Variants in ERBB4 observed in about 807,000 individuals in gnomAD.
The protein encoded by ERBB4 is receptor tyrosine-protein kinase erbB-4.
A neutral mutation model predicts 158.0 loss-of-function variants in ERBB4; 42 were observed. The observed-to-expected ratio is 0.27, with a 90% confidence interval of 0.21 to 0.34. The LOEUF is 0.34. ERBB4 is among the 10% of genes least tolerant of loss of function. The pLI is 1.00. For synonymous variants in ERBB4, 583 were observed against 558.7 expected (o/e 1.04, Z -0.61); for missense variants, 1,333 against 1,624.1 (o/e 0.82, Z 3.08).
intron 1 of ERBB4, among the ~76,000 whole-genome samples, chr2:212,395,465 G>C (rs2090997021): frequency 6.6e-6 from 1 of 151,882 alleles, no homozygotes; most frequent in Non-Finnish European, 1.5e-5. Flanking sequence ...GAATCATGAT[G>C]ATGAATTCAC....
At chr2:211,740,369 T>C (rs1289016481) in intron 5 of ERBB4, among the ~76,000 whole-genome samples, 1 of 152,118 alleles carries the variant, frequency 6.6e-6, no homozygotes, top group Non-Finnish European at 1.5e-5. Context: ...AATGGAGAGA[T>C]GCAGCCATGA....
At chr2:212,001,282 C>T (rs966686150) in intron 2 of ERBB4, among the ~76,000 whole-genome samples, 1 of 152,082 alleles carries the variant, frequency 6.6e-6, no homozygotes, top group Admixed American at 6.6e-5. Flanking sequence ...AGGCAATACC[C>T]TTAAACTTCT....
intron 25 of ERBB4, among the ~76,000 whole-genome samples, chr2:211,400,369 C>CA (rs759185671): frequency 1.1e-4 from 17 of 152,114 alleles, no homozygotes; most frequent in Non-Finnish European, 2.4e-4. Flanking sequence ...ATCCCTCACA[C>CA]AAAATCAACT....
intron 27 of ERBB4, among the ~76,000 whole-genome samples, chr2:211,386,200 A>G (rs1165085919): frequency 6.6e-6 from 1 of 152,140 alleles, no homozygotes; most frequent in Non-Finnish European, 1.5e-5. Flanking sequence ...TTGAAGCATT[A>G]TTTGATTTGG....
intron 3 of ERBB4, among the ~76,000 whole-genome samples, chr2:211,813,323 T>C (rs1278856265): frequency 1.3e-5 from 2 of 152,362 alleles, no homozygotes; most frequent in African/African-American, 2.4e-5. Flanking sequence ...CCAAGTGTTA[T>C]AATAGCAGGT....
At chr2:211,698,577 G>A (rs2073112717) in intron 12 of ERBB4, among the ~76,000 whole-genome samples, 1 of 151,568 alleles carries the variant, frequency 6.6e-6, no homozygotes, top group Non-Finnish European at 1.5e-5. Flanking sequence ...TGAACAATGA[G>A]AAAGGTACTA....
At chr2:211,983,367 T>A (rs1368442160) in intron 2 of ERBB4, among the ~76,000 whole-genome samples, 1 of 152,070 alleles carries the variant, frequency 6.6e-6, no homozygotes, top group Non-Finnish European at 1.5e-5. Flanking sequence ...AATGATAAAT[T>A]GGGGAGATGG....
At chr2:212,028,802 G>C (rs1300896801) in intron 2 of ERBB4, among the ~76,000 whole-genome samples, 1 of 151,934 alleles carries the variant, frequency 6.6e-6, no homozygotes, top group Non-Finnish European at 1.5e-5. Context: ...TTTTTATATG[G>C]AGCCTAGTAG....
chr2:211,558,074 A>G (rs1024065722), intron 20 of ERBB4, among the ~76,000 whole-genome samples: 1 of 152,180 alleles, frequency 6.6e-6, no homozygotes, highest in Non-Finnish European at 1.5e-5. Context: ...ATGAGAATGC[A>G]TGGATACACG....
intron 3 of ERBB4, among the ~76,000 whole-genome samples, chr2:211,910,517 T>C (rs2079515535): frequency 6.6e-6 from 1 of 151,136 alleles, no homozygotes; most frequent in South Asian, 2.1e-4. Flanking sequence ...AAGTGGGAGA[T>C]AAATAATGAG....
chr2:211,716,052 G>A (rs758719019), intron 7 of ERBB4, among the ~76,000 whole-genome samples: 6 of 152,204 alleles, frequency 3.9e-5, no homozygotes, highest in Middle Eastern at 3.2e-3. Context: ...ATTAGGAACT[G>A]TAGACCTGCA....
intron 1 of ERBB4, among the ~76,000 whole-genome samples, chr2:212,380,588 C>T (rs976536586): frequency 7.3e-5 from 11 of 150,308 alleles, no homozygotes; most frequent in Non-Finnish European, 1.5e-4. Flanking sequence ...AGATAGTGTA[C>T]TTGATAAAAA....
At chr2:212,099,168 TAAATAAATAAATA>T (rs2079012495) in intron 2 of ERBB4, among the ~76,000 whole-genome samples, 1 of 121,480 alleles carries the variant, frequency 8.2e-6, no homozygotes. Flanking sequence ...AATAAATAAA[TAAATAAATAAATA>T]AATAATAAAT....
At chr2:211,768,129 A>G (rs1404851083) in intron 4 of ERBB4, among the ~76,000 whole-genome samples, 1 of 152,170 alleles carries the variant, frequency 6.6e-6, no homozygotes, top group Non-Finnish European at 1.5e-5. Context: ...TTCAAGTCCA[A>G]AATCCAGCGG....
chr2:212,225,213 G>T (rs1311548071), intron 1 of ERBB4, among the ~76,000 whole-genome samples: 3 of 151,816 alleles, frequency 2.0e-5, no homozygotes, highest in Non-Finnish European at 4.4e-5. Flanking sequence ...TAATTGTTCT[G>T]TTAATAAATC....
intron 25 of ERBB4, among the ~76,000 whole-genome samples, chr2:211,408,199 C>A (rs190057275): frequency 6.6e-6 from 1 of 152,302 alleles, no homozygotes; most frequent in East Asian, 1.9e-4. Context: ...AAGAAACTCA[C>A]AATTGTCCTT....
chr2:211,537,854 C>A (rs543952564), intron 20 of ERBB4, among the ~76,000 whole-genome samples: 56 of 151,982 alleles, frequency 3.7e-4, no homozygotes, highest in African/African-American at 1.3e-3. Flanking sequence ...AAAGAAACTT[C>A]CGTATAAATT....
chr2:211,380,185 T>G lies in ERBB4; in HGVS notation c.*3430A>C, dbSNP rs574978294. The stretch of plus-strand genomic sequence containing the variant: ...TTTAAGAATGTTACTGGAGAAAGGA[T>G]TCTCATCCTAAGCTGTGCTACTAAT... On this transcript the variant is annotated 3_prime_UTR_variant, in exon 28 of 28. Transcript: ENST00000342788. The G allele has an allele frequency of 1.2e-4, 27 of 232,174 alleles. No individual in the cohort carries two copies. The highest frequency in any genetic ancestry group is 5.5e-4 in the African/African-American group (25 of 45,394). 14.4% of individuals were successfully genotyped at this position (232,174 alleles called of 1,614,324 possible). A position where few individuals can be genotyped will look rare whatever the true frequency, so the allele number is the denominator to read the frequency against.
At chr2:212,461,989 A>G (rs1004361562) in intron 1 of ERBB4, among the ~76,000 whole-genome samples, 1 of 152,176 alleles carries the variant, frequency 6.6e-6, no homozygotes, top group Admixed American at 6.6e-5. Flanking sequence ...GCCACGTGGA[A>G]CTGTAAGTGC....
Sources: gnomAD v4.1 joint callset for allele counts (sites outside exome capture counted in the v4.1 genomes callset) on GRCh38, gnomAD v4.1.1 for gene constraint, MANE v1.5 for transcripts, NCBI Gene and HGNC (gene_info 2026-07-23, HGNC 2026-07-21) for gene names.